DAD1: variants seen among roughly 807,000 people sequenced by gnomAD.
DAD1 encodes dolichyl-diphosphooligosaccharide--protein glycosyltransferase subunit DAD1.
In DAD1, 4 loss-of-function variants were observed where a neutral mutation model predicts 9.0. That is an observed-to-expected ratio of 0.44 (90% CI 0.22 to 1.01). The LOEUF (loss-of-function observed/expected upper bound fraction) is 1.01. Ranked by LOEUF, DAD1 falls within the 50% of genes least tolerant of loss-of-function variation. The pLI, the probability that DAD1 is intolerant of heterozygous loss-of-function variation, is 0.24. For missense variants in DAD1, 119 were observed against 137.3 expected (o/e 0.87, Z 0.67); for synonymous variants, 60 against 62.5 (o/e 0.96, Z 0.19).
chr14:22,584,659 T>C lies in DAD1; in HGVS notation c.211+4288A>G, dbSNP rs8022143. On this transcript the variant is annotated intron_variant, in intron 1 of 2. Coordinates refer to ENST00000250498, the MANE Select transcript of DAD1 (RefSeq NM_001344.4). Reference sequence around the variant, plus strand: ...AGGCAAATAGTTTGACACATGAGAGTGTTCAGAGAATGACAAGTAGCTCAA... The same window carrying C: ...AGGCAAATAGTTTGACACATGAGAGCGTTCAGAGAATGACAAGTAGCTCAA... Among the ~76,000 whole-genome samples, 541 of 151,932 alleles carry C rather than the reference T, an allele frequency of 3.6e-3. 4 individuals carry two copies. Among genetic ancestry groups the C allele is most frequent in the African/African-American group, 0.013 (524 of 41,428 alleles).
intron 2 of DAD1, among the ~76,000 whole-genome samples, chr14:22,574,344 T>G (rs76050305): frequency 0.092 from 13,938 of 152,022 alleles, 1,159 homozygotes; most frequent in African/African-American, 0.22. Flanking sequence ...AGGGAGCGAT[T>G]TAGGGGAGGG....
At chr14:22,578,029 G>A (rs5742774) in intron 1 of DAD1, among the ~76,000 whole-genome samples, 3,043 of 152,072 alleles carry the variant, frequency 0.02, 102 homozygotes, top group African/African-American at 0.07. Context: ...CGAGGCAGGC[G>A]GATCACCTGA....
intron 2 of DAD1, among the ~76,000 whole-genome samples, chr14:22,572,403 G>A (rs2037047612): frequency 6.6e-6 from 1 of 152,100 alleles, no homozygotes; most frequent in African/African-American, 2.4e-5. Context: ...ACTGAGAGCA[G>A]GACAGTATAG....
intron 1 of DAD1, among the ~76,000 whole-genome samples, chr14:22,578,797 C>A (rs1321669477): frequency 6.6e-6 from 1 of 151,988 alleles, no homozygotes; most frequent in Non-Finnish European, 1.5e-5. Context: ...ATTTCGCACT[C>A]TGTTAAAGGA....
chr14:22,571,287 C>G (rs2037037576), intron 2 of DAD1, among the ~76,000 whole-genome samples: 1 of 135,004 alleles, frequency 7.4e-6, no homozygotes, highest in Admixed American at 7.8e-5. Flanking sequence ...GCACTCTAGC[C>G]TGGGCAAGAC....
At chr14:22,577,937 C>A (rs189717033) in intron 1 of DAD1, among the ~76,000 whole-genome samples, 15 of 152,284 alleles carry the variant, frequency 9.9e-5, no homozygotes, top group Admixed American at 7.8e-4. Context: ...TAAATTTTGT[C>A]ATGTTTTATC....
At chr14:22,580,986 G>C (rs977371639) in intron 1 of DAD1, among the ~76,000 whole-genome samples, 1 of 151,850 alleles carries the variant, frequency 6.6e-6, no homozygotes, top group African/African-American at 2.4e-5. Flanking sequence ...TGATCCTTCA[G>C]TCTCTCCCTG....
chr14:22,569,979 T>C (rs2037027349), intron 2 of DAD1, among the ~76,000 whole-genome samples: 1 of 152,028 alleles, frequency 6.6e-6, no homozygotes, highest in African/African-American at 2.4e-5. Context: ...TAAAAAAATA[T>C]ATAATTAATC....
chr14:22,569,710 C>T (rs2037025516), intron 2 of DAD1, among the ~76,000 whole-genome samples: 4 of 152,104 alleles, frequency 2.6e-5, no homozygotes, highest in African/African-American at 4.8e-5. Flanking sequence ...AAATCTATTT[C>T]GATATTCTTT....
chr14:22,571,373 A>G (rs536445048), intron 2 of DAD1, among the ~76,000 whole-genome samples: 8 of 151,964 alleles, frequency 5.3e-5, no homozygotes, highest in East Asian at 1.9e-4. Flanking sequence ...GGAAAAAACT[A>G]AAGTATATAC....
At chr14:22,573,485 C>G (rs1034226495) in intron 2 of DAD1, among the ~76,000 whole-genome samples, 1 of 151,882 alleles carries the variant, frequency 6.6e-6, no homozygotes, top group Non-Finnish European at 1.5e-5. Flanking sequence ...GAGGCCAAGG[C>G]GGGCGGATCA....
chr14:22,576,584 C>T (rs999592498), intron 1 of DAD1, among the ~76,000 whole-genome samples: 1 of 152,054 alleles, frequency 6.6e-6, no homozygotes, highest in African/African-American at 2.4e-5. Context: ...GATATGACAC[C>T]AAAAGTACAG....
chr14:22,584,730 C>G (rs1225694979), intron 1 of DAD1, among the ~76,000 whole-genome samples: 1 of 152,172 alleles, frequency 6.6e-6, no homozygotes, highest in African/African-American at 2.4e-5. Context: ...AGAGATGAAG[C>G]TGCAGACAGC....
In DAD1 at chr14:22,589,002, G is replaced by A. The variant is rs777647655; in HGVS notation, c.156C>T (p.Pro52=). ...TGAAGCCCGAGAGAAAAGAGTTGAA[G>A]GGGAAGGTCCCCACGAGGAGACAGT... ...FGYCLLVGTF[P]FNSFLSGFIS... Residue 52 remains proline (P), a synonymous_variant, in exon 1 of 3, where the codon CCC becomes CCT. Transcript: ENST00000250498. 4 of 1,614,240 alleles carry A rather than the reference G, an allele frequency of 2.5e-6. No homozygotes were observed. Among genetic ancestry groups the A allele is most frequent in the East Asian group, 2.2e-5 (1 of 44,894 alleles).
chr14:22,587,678 T>C lies in DAD1; in HGVS notation c.211+1269A>G, dbSNP rs546680614. Among the ~76,000 whole-genome samples the C allele has an allele frequency of 2.0e-5, 3 of 152,178 alleles. No homozygotes were observed. The South Asian group carries it at 6.2e-4, about 32-fold the overall frequency. On this transcript the variant is annotated intron_variant, in intron 1 of 2. Transcript: ENST00000250498. ...AAATATCTCTGGTGTGTCAGAACAATGTAAATGTACAATAAGCATTCTATA... is the reference window on the plus strand; with the variant it reads ...AAATATCTCTGGTGTGTCAGAACAACGTAAATGTACAATAAGCATTCTATA...
At chr14:22,571,392 A>C (rs1477004069) in intron 2 of DAD1, among the ~76,000 whole-genome samples, 3 of 151,912 alleles carry the variant, frequency 2.0e-5, no homozygotes, top group African/African-American at 7.3e-5. Flanking sequence ...ACATTTTTAA[A>C]TACTGAAATC....
At chr14:22,571,313 C>CAAATAAAA (rs2037037876) in intron 2 of DAD1, among the ~76,000 whole-genome samples, 1 of 115,382 alleles carries the variant, frequency 8.7e-6, no homozygotes, top group African/African-American at 3.6e-5. Context: ...GACTCTGTCT[C>CAAATAAAA]AAAAAAAAAA....
chr14:22,586,333 G>A (rs1016245177), intron 1 of DAD1, among the ~76,000 whole-genome samples: 3 of 151,894 alleles, frequency 2.0e-5, no homozygotes, highest in African/African-American at 7.3e-5. Flanking sequence ...ATCACCTGAG[G>A]TCAGGAGTTT....
intron 1 of DAD1, among the ~76,000 whole-genome samples, chr14:22,580,198 G>A (rs1299935015): frequency 2.6e-5 from 4 of 151,946 alleles, no homozygotes; most frequent in African/African-American, 9.7e-5. Flanking sequence ...TGGGAGGATC[G>A]CTTGAGCCCA....
Sources: allele counts gnomAD v4.1 joint callset (sites outside exome capture counted in the v4.1 genomes callset), GRCh38; gene constraint gnomAD v4.1.1; transcripts MANE v1.5; gene names NCBI Gene and HGNC (gene_info 2026-07-23, HGNC 2026-07-21).